TRPM7: variants seen among roughly 807,000 people sequenced by gnomAD.
TRPM7 encodes the protein LTRPC ion channel family member 7.
TRPM7 carries 134 observed loss-of-function variants against 229.7 expected under a neutral mutation model. The observed-to-expected ratio is 0.58, with a 90% CI of 0.51 to 0.67. TRPM7 has a LOEUF of 0.67. Ranked by LOEUF, TRPM7 falls within the 30% of genes least tolerant of loss-of-function variation. The pLI, the probability that TRPM7 is intolerant of heterozygous loss-of-function variation, is 0.00. For missense variants in TRPM7, 1,901 were observed against 2,210.0 expected, an observed-to-expected ratio of 0.86 and a Z score of 2.80; for synonymous variants, 699 against 715.2, an observed-to-expected ratio of 0.98 and a Z score of 0.36.
chr15:50,665,552 C>CT (rs991427729), intron 1 of TRPM7, among the ~76,000 whole-genome samples: 35 of 152,152 alleles, frequency 2.3e-4, no homozygotes, highest in African/African-American at 8.4e-4. Context: ...CTTTATATAA[C>CT]TTGAGGATCC....
chr15:50,678,373 C>G (rs535348791), intron 1 of TRPM7, among the ~76,000 whole-genome samples: 29 of 151,484 alleles, frequency 1.9e-4, no homozygotes, highest in African/African-American at 6.3e-4. Flanking sequence ...AAGGGTGACA[C>G]AGACAATGAC....
At chr15:50,646,521 T>C (rs1268692418) in intron 4 of TRPM7, among the ~76,000 whole-genome samples, 1 of 152,148 alleles carries the variant, frequency 6.6e-6, no homozygotes, top group Non-Finnish European at 1.5e-5. Flanking sequence ...TGAACTCAAG[T>C]GATCCTCCTG....
intron 3 of TRPM7, among the ~76,000 whole-genome samples, chr15:50,651,524 C>T (rs908553584): frequency 1.3e-5 from 2 of 151,376 alleles, no homozygotes; most frequent in Admixed American, 6.6e-5. Flanking sequence ...TTGTTGGGCA[C>T]GGTGGCTCAT....
chr15:50,641,029 C>T (rs1263724504), intron 5 of TRPM7, among the ~76,000 whole-genome samples: 4 of 152,206 alleles, frequency 2.6e-5, no homozygotes, highest in East Asian at 1.9e-4. Context: ...ATGCATCACT[C>T]AGTTTGATCT....
rs367604622 is a variant in TRPM7, at chr15:50,592,267, T to C, written c.3968A>G (p.Lys1323Arg). The C allele has an allele frequency of 9.1e-5, 147 of 1,613,832 alleles. No individual in the cohort carries two copies. The East Asian group carries it at 2.4e-3, about 26-fold the overall frequency. Residue 1323 changes from lysine (K) to arginine (R), a missense_variant, in exon 26 of 39, where the codon AAA becomes AGA. Transcript: ENST00000646667. Reference protein sequence around the residue: ...FHCNILMKDDKDPQCNIFGQD... With the variant: ...FHCNILMKDDRDPQCNIFGQD... ...ACCAAATATATTACACTGGGGATCT[T>C]TGTCATCTTTCATTAAAATATTACA... is the stretch of plus-strand genomic sequence containing the variant.
At chr15:50,668,067 T>C (rs1198890119) in intron 1 of TRPM7, among the ~76,000 whole-genome samples, 1 of 152,252 alleles carries the variant, frequency 6.6e-6, no homozygotes, top group East Asian at 1.9e-4. Flanking sequence ...TGACTATGGC[T>C]GTCCTAAGAC....
At chr15:50,587,379 A>T in intron 27 of TRPM7, among the ~76,000 whole-genome samples, 2 of 145,900 alleles carry the variant, frequency 1.4e-5, no homozygotes, top group South Asian at 2.2e-4. Flanking sequence ...AAAGCCCTGA[A>T]GGCTTTACTG....
Position 50,686,562 on chromosome 15 carries a change from C to T in TRPM7, c.-29G>A. 1 of 1,609,444 alleles carries T rather than the reference C, an allele frequency of 6.2e-7. No individual in the cohort carries two copies. Among genetic ancestry groups the T allele is most frequent in the East Asian group, 2.3e-5 (1 of 43,990 alleles). On this transcript the variant is annotated 5_prime_UTR_variant, in exon 1 of 39. Transcript: ENST00000646667. ...CCTCACGGGGCGGACTCCGGAAGGG[C>T]AGCAACTCCACCTCCTCCTCCTCCG...
chr15:50,621,876 A>C (rs2060417187), intron 12 of TRPM7, among the ~76,000 whole-genome samples: 1 of 152,096 alleles, frequency 6.6e-6, no homozygotes, highest in Non-Finnish European at 1.5e-5. Context: ...CTAAAAATAC[A>C]GAAATTAGCT....
intron 30 of TRPM7, among the ~76,000 whole-genome samples, chr15:50,580,095 G>T (rs1487597472): frequency 1.3e-5 from 2 of 152,200 alleles, no homozygotes; most frequent in African/African-American, 4.8e-5. Context: ...CTGATTCACA[G>T]AAGGGGAAAA....
chr15:50,624,044 A>AT (rs1031588703), intron 12 of TRPM7, 122 bp downstream of exon 12: 7 of 1,043,482 alleles, frequency 6.7e-6, no homozygotes, highest in African/African-American at 6.5e-5. Flanking sequence ...ACTGGCTATA[A>AT]TTTTTTCATA....
chr15:50,583,034 T>TA, intron 29 of TRPM7, 55 bp downstream of exon 29: 1 of 1,274,762 alleles, frequency 7.8e-7, no homozygotes. Context: ...AGATCTTATC[T>TA]AAAAAAGTTT....
Position 50,686,786 on chromosome 15 carries a change from G to A in TRPM7, c.-253C>T, listed in dbSNP as rs996144189. 18 of 425,756 alleles carry A rather than the reference G, an allele frequency of 4.2e-5. No individual in the cohort carries two copies. Among genetic ancestry groups the A allele is most frequent in the African/African-American group, 6.3e-5 (3 of 47,250 alleles). The allele number at this position is 425,756 out of a possible 1,614,324, so 26.4% of individuals were successfully genotyped here. A position where few individuals can be genotyped will look rare whatever the true frequency, so the allele number is the denominator to read the frequency against. ...GCCCGCGCCCGCCTCCGCCGGCGAC[G>A]GGGCTGGGGACGGACCACGTGAGCG... On this transcript the variant is annotated 5_prime_UTR_variant, in exon 1 of 39. Coordinates refer to ENST00000646667, the MANE Select transcript of TRPM7 (RefSeq NM_017672.6).
chr15:50,649,451 AG>A (rs1310852515), intron 3 of TRPM7, among the ~76,000 whole-genome samples: 2 of 150,688 alleles, frequency 1.3e-5, no homozygotes, highest in Admixed American at 6.6e-5. Flanking sequence ...AAAAAAAAAA[AG>A]AAAGAAAGAA....
Position 50,582,264 on chromosome 15 carries a change from C to T in TRPM7, c.4557+825G>A, listed in dbSNP as rs1397990653. Among the ~76,000 whole-genome samples the T allele has an allele frequency of 2.6e-5, 4 of 151,938 alleles. No individual in the cohort carries two copies. In the East Asian group the frequency reaches 5.8e-4, roughly 22 times the overall value. ...ATGAGCCACTGCACACAGCCCCCAC[C>T]GAGTTTTTTTTTTATTTCTAGTTTT... is the stretch of plus-strand genomic sequence containing the variant. On this transcript the variant is annotated intron_variant, in intron 29 of 38. Coordinates refer to ENST00000646667, the MANE Select transcript of TRPM7 (RefSeq NM_017672.6).
chr15:50,680,843 T>C (rs999503071), intron 1 of TRPM7, among the ~76,000 whole-genome samples: 1 of 152,254 alleles, frequency 6.6e-6, no homozygotes, highest in Non-Finnish European at 1.5e-5. Flanking sequence ...GGTCAACACC[T>C]ACTCTACCAC....
chr15:50,610,946 G>T, intron 17 of TRPM7, 147 bp downstream of exon 17: 1 of 640,898 alleles, frequency 1.6e-6, no homozygotes, highest in Non-Finnish European at 2.7e-6. Context: ...TACCACTTGG[G>T]ATGAAATGCC....
chr15:50,656,660 TAC>T (rs2061582613), intron 3 of TRPM7, among the ~76,000 whole-genome samples: 1 of 152,122 alleles, frequency 6.6e-6, no homozygotes, highest in Non-Finnish European at 1.5e-5. Flanking sequence ...TTTTTGTTTT[TAC>T]AGACTTCCTT....
intron 38 of TRPM7, among the ~76,000 whole-genome samples, chr15:50,568,701 G>C (rs769033843): frequency 6.6e-6 from 1 of 152,086 alleles, no homozygotes; most frequent in Non-Finnish European, 1.5e-5. Context: ...AGGGCTGGGC[G>C]TGGTGGCTCA....
Sources: allele counts gnomAD v4.1 joint callset (sites outside exome capture counted in the v4.1 genomes callset), GRCh38; gene constraint gnomAD v4.1.1; transcripts MANE v1.5; gene names NCBI Gene and HGNC (gene_info 2026-07-23, HGNC 2026-07-21).